Variants in SSH2 observed in about 807,000 individuals in gnomAD.
The protein encoded by SSH2 is slingshot protein phosphatase 2.
A neutral mutation model predicts 135.2 loss-of-function variants in SSH2; 37 were observed. That is an observed-to-expected ratio of 0.27 (90% CI 0.21 to 0.36). The LOEUF is 0.36. Among genes scored for constraint, SSH2 ranks in the 10% least tolerant of loss-of-function variants. The pLI is 1.00. For synonymous variants in SSH2, 628 were observed against 646.2 expected (o/e 0.97, Z 0.43); for missense variants, 1,408 against 1,765.3 (o/e 0.80, Z 3.63).
At chr17:29,843,570 A>AG (rs1481553377) in intron 2 of SSH2, among the ~76,000 whole-genome samples, 1 of 151,924 alleles carries the variant, frequency 6.6e-6, no homozygotes, top group African/African-American at 2.4e-5. Context: ...AAAAAAAAAA[A>AG]AAAATTACTA....
At chr17:29,918,355 T>C (rs1274766718) in intron 1 of SSH2, among the ~76,000 whole-genome samples, 2 of 152,170 alleles carry the variant, frequency 1.3e-5, no homozygotes. Context: ...ACTCAGTTTC[T>C]TCATCTGTAA....
intron 2 of SSH2, among the ~76,000 whole-genome samples, chr17:29,805,704 C>G (rs1240380270): frequency 3.3e-5 from 5 of 151,996 alleles, no homozygotes; most frequent in Non-Finnish European, 7.4e-5. Context: ...ATTAAAAAAG[C>G]TCTGTAGATA....
intron 1 of SSH2, among the ~76,000 whole-genome samples, chr17:29,913,807 T>A (rs1842264741): frequency 6.6e-6 from 1 of 152,004 alleles, no homozygotes. Context: ...CCTAATTTTG[T>A]ATTTTTAGTA....
chr17:29,841,553 G>A (rs948652521), intron 2 of SSH2, among the ~76,000 whole-genome samples: 30 of 152,148 alleles, frequency 2.0e-4, no homozygotes, highest in African/African-American at 6.5e-4. Flanking sequence ...AGTTAATTGT[G>A]TTGTACCTGA....
intron 5 of SSH2, among the ~76,000 whole-genome samples, chr17:29,686,008 C>A (rs144482276): frequency 3.8e-4 from 57 of 151,774 alleles, no homozygotes; most frequent in Middle Eastern, 3.4e-3. Flanking sequence ...GCCACCACAT[C>A]CAGCTAGTTT....
intron 3 of SSH2, among the ~76,000 whole-genome samples, chr17:29,731,379 G>T (rs967009322): frequency 2.0e-5 from 3 of 151,688 alleles, no homozygotes; most frequent in African/African-American, 7.3e-5. Context: ...TATTAAATAA[G>T]CAAAAATACC....
chr17:29,626,350 A>G lies in SSH2; in HGVS notation c.*4491T>C, dbSNP rs2035501053. On this transcript the variant is annotated 3_prime_UTR_variant, in exon 16 of 16. Coordinates refer to ENST00000540801, the MANE Select transcript of SSH2 (RefSeq NM_001282129.2). ...CAAGCAAACCAAAATCCAACAGAAC[A>G]TAAAAATCAAACATTTCCCTGTGGG... 7.2e-6 allele frequency: 1 copy of G among 138,982 alleles called. No homozygotes were observed. The allele number at this position is 138,982 out of a possible 1,614,324, so 8.6% of individuals were successfully genotyped here.
At chr17:29,723,513 T>C (rs1003636547) in intron 3 of SSH2, among the ~76,000 whole-genome samples, 2 of 152,130 alleles carry the variant, frequency 1.3e-5, no homozygotes, top group African/African-American at 4.8e-5. Flanking sequence ...CAAGAACACT[T>C]TGGAAGATAA....
chr17:29,793,496 A>C (rs2042106949), intron 3 of SSH2: 1 of 155,768 alleles, frequency 6.4e-6, no homozygotes, highest in Non-Finnish European at 1.4e-5. Context: ...TTGCTTTTTT[A>C]TTACCCCCAA....
chr17:29,680,731 G>C (rs577543211), intron 6 of SSH2, among the ~76,000 whole-genome samples: 10 of 152,074 alleles, frequency 6.6e-5, no homozygotes, highest in South Asian at 6.2e-4. Flanking sequence ...GATGAGATGA[G>C]CGCACAAAAA....
chr17:29,676,870 C>A lies in SSH2; in HGVS notation c.564G>T (p.Ser188=). The A allele has an allele frequency of 6.2e-7, 1 of 1,613,710 alleles. No homozygotes were observed. The highest frequency in any genetic ancestry group is 1.1e-5 in the South Asian group (1 of 91,046). Residue 188 remains serine, a synonymous_variant, in exon 8 of 16, where the codon TCG becomes TCT. Coordinates refer to ENST00000540801, the MANE Select transcript of SSH2 (RefSeq NM_001282129.2). The part of the protein sequence containing the change: ...HLDGDGGFSV[S]TDNRVHIFKP... ...TGAATATGTGAACTCTGTTATCCGT[C>A]GATACACTGAACCCACTAAGGACAA...
Position 29,912,293 on chromosome 17 carries a change from TGCTGA to T in SSH2, c.63+17640_63+17644del, listed in dbSNP as rs2066779531. Among the ~76,000 whole-genome samples the T allele has an allele frequency of 3.9e-5, 6 of 152,344 alleles. No individual in the cohort carries two copies. In the South Asian group the frequency reaches 1.0e-3, roughly 26 times the overall value. On this transcript the variant is annotated intron_variant, in intron 1 of 15. Transcript: ENST00000540801. Reference sequence around the variant, plus strand: ...TAAACAACTTAGATCTTTATGGTATTGCTGAGCTAAGTTAGTCCTAGACTATATGT... The same window carrying T: ...TAAACAACTTAGATCTTTATGGTATTGCTAAGTTAGTCCTAGACTATATGT...
intron 15 of SSH2, among the ~76,000 whole-genome samples, chr17:29,634,243 C>T (rs891091765): frequency 1.3e-5 from 2 of 152,096 alleles, no homozygotes; most frequent in Admixed American, 6.6e-5. Flanking sequence ...ACGGACAAAG[C>T]GGTAAATATA....
intron 3 of SSH2, among the ~76,000 whole-genome samples, chr17:29,742,325 T>A (rs2040587476): frequency 6.7e-6 from 1 of 150,208 alleles, no homozygotes; most frequent in East Asian, 1.9e-4. Flanking sequence ...TCTTCTTTTT[T>A]TTTTTTTTTT....
intron 4 of SSH2, among the ~76,000 whole-genome samples, chr17:29,696,172 TATACACACAC>T (rs2038723826): frequency 1.7e-5 from 2 of 116,636 alleles, no homozygotes; most frequent in Admixed American, 9.0e-5. Context: ...TATGTATATA[TATACACACAC>T]ACACACACAC....
chr17:29,705,504 C>G (rs960131636), intron 3 of SSH2, among the ~76,000 whole-genome samples: 3 of 152,168 alleles, frequency 2.0e-5, no homozygotes, highest in African/African-American at 7.2e-5. Context: ...CACTTCTGCC[C>G]TCGATTATCT....
At chr17:29,864,303 C>CTAAGTAAA (rs1555535659) in intron 1 of SSH2, 1 of 142,478 alleles carries the variant, frequency 7.0e-6, no homozygotes, top group Admixed American at 7.1e-5. Context: ...AAAACTCCAT[C>CTAAGTAAA]TAAATAAATA....
At chr17:29,817,052 A>C (rs1041903907) in intron 2 of SSH2, among the ~76,000 whole-genome samples, 8 of 152,224 alleles carry the variant, frequency 5.3e-5, no homozygotes, top group Admixed American at 1.3e-4. Context: ...ACACGAATAC[A>C]AAATATTATA....
chr17:29,715,279 T>C (rs1205898712), intron 3 of SSH2, among the ~76,000 whole-genome samples: 1 of 151,344 alleles, frequency 6.6e-6, no homozygotes, highest in Non-Finnish European at 1.5e-5. Context: ...GGAGTCTCGC[T>C]CTGTTGCTCA....
Sources: allele counts gnomAD v4.1 joint callset (sites outside exome capture counted in the v4.1 genomes callset), GRCh38; gene constraint gnomAD v4.1.1; transcripts MANE v1.5; gene names NCBI Gene and HGNC (gene_info 2026-07-23, HGNC 2026-07-21).